PLEKHF2: variants seen among roughly 807,000 people sequenced by gnomAD.
PLEKHF2 encodes pleckstrin homology and FYVE domain containing 2.
Under a neutral mutation model 14.7 loss-of-function variants are expected in PLEKHF2, and 4 were observed. The observed-to-expected ratio is 0.27, with a 90% CI of 0.13 to 0.62. PLEKHF2 has a LOEUF of 0.62. Among genes scored for constraint, PLEKHF2 ranks in the 20% least tolerant of loss-of-function variants. The pLI is 0.85. For synonymous variants in PLEKHF2, 90 were observed against 103.5 expected (o/e 0.87, Z 0.79); for missense variants, 201 against 307.7 (o/e 0.65, Z 2.60).
intron 1 of PLEKHF2, among the ~76,000 whole-genome samples, chr8:95,149,389 C>G (rs1417883340): frequency 6.6e-6 from 1 of 152,044 alleles, no homozygotes; most frequent in African/African-American, 2.4e-5. Flanking sequence ...TATTTATGGG[C>G]TTTCTCTTCC....
chr8:95,143,204 A>G (rs1351112008), intron 1 of PLEKHF2, among the ~76,000 whole-genome samples: 1 of 149,064 alleles, frequency 6.7e-6, no homozygotes, highest in Non-Finnish European at 1.5e-5. Context: ...GGTTCGCGCC[A>G]TTCTCCTGCC....
At chr8:95,139,042 T>G (rs552560175) in intron 1 of PLEKHF2, among the ~76,000 whole-genome samples, 2 of 152,244 alleles carry the variant, frequency 1.3e-5, no homozygotes, top group Admixed American at 6.5e-5. Flanking sequence ...TTACCACATC[T>G]TAGGTGAGTA....
intron 1 of PLEKHF2, among the ~76,000 whole-genome samples, chr8:95,153,496 T>G (rs1361061894): frequency 6.6e-6 from 1 of 152,130 alleles, no homozygotes; most frequent in Admixed American, 6.6e-5. Context: ...AATTAGGGTT[T>G]TAGAGATCAC....
rs60427448 is a variant in PLEKHF2 at position 95,136,326 on chromosome 8, T to TTA, written c.-15+2303_-15+2304dup. On this transcript the variant is annotated intron_variant, in intron 1 of 1. Transcript: ENST00000315367. ...CATTAAATCCACAGATTGGTTTTTA[T>TTA]TATATATACACACACACACACACAC... Among the ~76,000 whole-genome samples, 477 of 132,186 alleles carry TTA rather than the reference T, an allele frequency of 3.6e-3. 2 individuals carry two copies. The highest frequency in any genetic ancestry group is 0.011 in the African/African-American group (393 of 34,446). The allele number at this position is 132,186 out of a possible 152,430, so 86.7% of individuals were successfully genotyped here. A position where few individuals can be genotyped will look rare whatever the true frequency, so the allele number is the denominator to read the frequency against.
intron 1 of PLEKHF2, 109 bp from the exon 2 acceptor site, chr8:95,153,922 C>T (rs1207232260): frequency 2.5e-6 from 2 of 809,064 alleles, no homozygotes; most frequent in Admixed American, 3.6e-5. Flanking sequence ...AATTTTAGAA[C>T]ATTTTGCCTT....
chr8:95,138,599 G>T (rs1180626758), intron 1 of PLEKHF2, among the ~76,000 whole-genome samples: 1 of 151,992 alleles, frequency 6.6e-6, no homozygotes, highest in African/African-American at 2.4e-5. Context: ...ATAATTAGGC[G>T]TATCAAAATA....
intron 1 of PLEKHF2, among the ~76,000 whole-genome samples, chr8:95,144,609 G>A (rs1810475216): frequency 6.6e-6 from 1 of 152,182 alleles, no homozygotes; most frequent in South Asian, 2.1e-4. Flanking sequence ...GCTCACGCCT[G>A]TAATCCCAGC....
chr8:95,138,817 T>G (rs1810407240), intron 1 of PLEKHF2, among the ~76,000 whole-genome samples: 2 of 152,202 alleles, frequency 1.3e-5, no homozygotes, highest in Admixed American at 6.5e-5. Flanking sequence ...AGTCTCCTAT[T>G]GTTAAATATT....
intron 1 of PLEKHF2, among the ~76,000 whole-genome samples, chr8:95,147,830 A>G (rs1015988184): frequency 6.6e-6 from 1 of 152,012 alleles, no homozygotes; most frequent in Non-Finnish European, 1.5e-5. Context: ...TTGGGAATTC[A>G]TATTTTTTCA....
intron 1 of PLEKHF2, among the ~76,000 whole-genome samples, chr8:95,139,874 C>T (rs1220790394): frequency 6.6e-6 from 1 of 150,620 alleles, no homozygotes; most frequent in African/African-American, 2.4e-5. Flanking sequence ...TATTTAGTCT[C>T]TGAGAGTTGT....
Position 95,154,887 on chromosome 8 carries a change from C to T in PLEKHF2, c.*93C>T, listed in dbSNP as rs1587311547. 1.0e-5 allele frequency: 15 copies of T among 1,477,234 alleles called. No individual in the cohort carries two copies. The allele number at this position is 1,477,234 out of a possible 1,614,324, so 91.5% of individuals were successfully genotyped here. A position where few individuals can be genotyped will look rare whatever the true frequency, so the allele number is the denominator to read the frequency against. On this transcript the variant is annotated 3_prime_UTR_variant, in exon 2 of 2. Transcript: ENST00000315367. The surrounding 1 kb of genome is among the most constrained non-coding windows in gnomAD (Gnocchi z 5.6). ...TTCTGAGCTCTCTCTCTGTTTTGTT[C>T]TAGCCATGAATTTGCCTGAGAAACT... is the stretch of plus-strand genomic sequence containing the variant.
Position 95,140,946 on chromosome 8 carries a change from C to G in PLEKHF2, c.-15+6916C>G, listed in dbSNP as rs1053599670. Among the ~76,000 whole-genome samples, 3 of 151,580 alleles carry G rather than the reference C, an allele frequency of 2.0e-5. No individual in the cohort carries two copies. The South Asian group carries it at 6.2e-4, about 31-fold the overall frequency. ...ACCCCTTCCTTGTTTTGTTTTTTTC[C>G]TTCTTTGTCAGTTACTCCCATGATA... On this transcript the variant is annotated intron_variant, in intron 1 of 1. Transcript: ENST00000315367.
intron 1 of PLEKHF2, among the ~76,000 whole-genome samples, chr8:95,150,716 G>A (rs766672631): frequency 1.3e-5 from 2 of 152,126 alleles, no homozygotes; most frequent in Non-Finnish European, 2.9e-5. Flanking sequence ...CAGGTGATTT[G>A]TTCAAGGTAG....
At chr8:95,151,140 G>C (rs557748560) in intron 1 of PLEKHF2, among the ~76,000 whole-genome samples, 2 of 152,056 alleles carry the variant, frequency 1.3e-5, no homozygotes, top group Non-Finnish European at 2.9e-5. Flanking sequence ...ATTATTAGAT[G>C]CTTCTTTGGG....
intron 1 of PLEKHF2, among the ~76,000 whole-genome samples, chr8:95,134,800 C>T (rs1393150118): frequency 6.6e-6 from 1 of 152,110 alleles, no homozygotes; most frequent in Non-Finnish European, 1.5e-5. Flanking sequence ...CATAGACTCA[C>T]AAAACGCGTT....
At chr8:95,139,411 G>A (rs2132105220) in intron 1 of PLEKHF2, among the ~76,000 whole-genome samples, 1 of 152,302 alleles carries the variant, frequency 6.6e-6, no homozygotes, top group Admixed American at 6.5e-5. Context: ...GGAGGCTGAG[G>A]TGGGAGGATC....
intron 1 of PLEKHF2, among the ~76,000 whole-genome samples, chr8:95,150,672 A>C (rs1810547958): frequency 6.6e-6 from 1 of 152,122 alleles, no homozygotes. Flanking sequence ...TTATCAAGAC[A>C]CCAGCTGGGT....
At position 95,154,034 on chromosome 8, in the gene PLEKHF2, A is replaced by G; in HGVS notation, c.-11A>G. The stretch of plus-strand genomic sequence containing the variant: ...TTCTTTTTCTTTTTTTTAAAAGGCT[A>G]TTAGTGAAAGATGGTGGATCGCTTG... On this transcript the variant is annotated 5_prime_UTR_variant, in exon 2 of 2. Transcript: ENST00000315367. This position sits in a 1 kb window ranked among gnomAD's most constrained non-coding sequence, Gnocchi z 5.6. The G allele has an allele frequency of 6.5e-7, 1 of 1,539,990 alleles. No homozygotes were observed. The highest frequency in any genetic ancestry group is 8.7e-7 in the Non-Finnish European group (1 of 1,144,882).
At chr8:95,144,433 T>C in intron 1 of PLEKHF2, among the ~76,000 whole-genome samples, 1 of 152,254 alleles carries the variant, frequency 6.6e-6, no homozygotes, top group Non-Finnish European at 1.5e-5. Context: ...GTATATCTTA[T>C]GGTTATTACC....
Sources: allele counts gnomAD v4.1 joint callset (sites outside exome capture counted in the v4.1 genomes callset), GRCh38; gene constraint gnomAD v4.1.1; non-coding constraint Gnocchi (gnomAD v3.1); transcripts MANE v1.5; gene names NCBI Gene and HGNC (gene_info 2026-07-23, HGNC 2026-07-21).